The following NUP210L variants were observed in gnomAD, a reference collection of about 807,000 sequenced individuals.
NUP210L encodes the protein nucleoporin 210 like, also known as nuclear pore membrane glycoprotein 210-like.
A neutral mutation model predicts 208.5 loss-of-function variants in NUP210L; 74 were observed. The observed-to-expected ratio is 0.35, with a 90% CI of 0.29 to 0.43. The LOEUF (loss-of-function observed/expected upper bound fraction) is 0.43. NUP210L is among the 20% of genes least tolerant of loss of function. The probability of loss-of-function intolerance (pLI) is 1.00; values close to 1 mark genes in which losing one functional copy is unlikely to be tolerated. For synonymous variants in NUP210L, 780 were observed against 816.9 expected, an observed-to-expected ratio of 0.95 and a Z score of 0.77; for missense variants, 1,843 against 2,289.4, an observed-to-expected ratio of 0.81 and a Z score of 3.98.
chr1:154,140,997 GAAAAAAAA>G (rs57099838), intron 4 of NUP210L, among the ~76,000 whole-genome samples: 2 of 63,078 alleles, frequency 3.2e-5, no homozygotes, highest in Non-Finnish European at 6.6e-5. Flanking sequence ...CCATCTCGAA[GAAAAAAAA>G]AAAAAAAAAA....
At chr1:154,058,102 T>C in exon 22 of NUP210L, 2 of 1,614,128 alleles carry the variant, frequency 1.2e-6, no homozygotes, top group Non-Finnish European at 1.7e-6. Context: ...AGGGTGACAA[T>C]GGCAGAAGCC....
exon 21 of NUP210L, chr1:154,058,657 C>T: frequency 6.2e-7 from 1 of 1,613,730 alleles, no homozygotes; most frequent in South Asian, 1.1e-5. Flanking sequence ...AGATCATAGA[C>T]CTCCAAGGTA....
At chr1:153,998,708 CTTTTTTTTTTTTT>C (rs34457474) in intron 37 of NUP210L, among the ~76,000 whole-genome samples, 2 of 109,822 alleles carry the variant, frequency 1.8e-5, no homozygotes, top group South Asian at 6.5e-4. Context: ...TCTAGAGATC[CTTTTTTTTTTTTT>C]TTTTTTTTTA....
intron 36 of NUP210L, 88 bp from the exon 37 acceptor site, chr1:154,001,148 T>C (rs1650188098): frequency 9.6e-7 from 1 of 1,041,846 alleles, no homozygotes; most frequent in Non-Finnish European, 1.4e-6. Flanking sequence ...TACAGTACAA[T>C]AATTGTCAAG....
In NUP210L at chr1:154,061,240, T is replaced by C. The variant is rs369119716; in HGVS notation, c.2644-194A>G. On this transcript the variant is annotated intron_variant, in intron 18 of 39. Transcript: ENST00000368559. Reference sequence around the variant, plus strand: ...TAAAAATACAAAAATTAGCCAGGCATGGTGGTGGGTGTCTGTAATCCCAGC... The same window carrying C: ...TAAAAATACAAAAATTAGCCAGGCACGGTGGTGGGTGTCTGTAATCCCAGC... Among the ~76,000 whole-genome samples the C allele has an allele frequency of 2.0e-3, 298 of 152,074 alleles. 3 individuals are homozygous for C. The highest frequency in any genetic ancestry group is 0.014 in the South Asian group (69 of 4,814).
chr1:154,118,776 G>T, exon 11 of NUP210L: 1 of 1,589,616 alleles, frequency 6.3e-7, no homozygotes, highest in Non-Finnish European at 8.6e-7. Flanking sequence ...GTTGGTGTTT[G>T]ATTAGAAATT....
At chr1:154,093,861 TAA>T (rs1656048421) in intron 15 of NUP210L, among the ~76,000 whole-genome samples, 1 of 152,008 alleles carries the variant, frequency 6.6e-6, no homozygotes, top group South Asian at 2.1e-4. Context: ...TAAAAATAAT[TAA>T]AACTCAGCTG....
chr1:154,027,671 A>G (rs1183604325), intron 28 of NUP210L, 74 bp from the exon 29 acceptor site: 2 of 908,728 alleles, frequency 2.2e-6, no homozygotes, highest in Non-Finnish European at 3.6e-6. Context: ...AGACTTCAGT[A>G]TAATCCCGAA....
At chr1:154,112,674 A>G (rs1657100643) in intron 12 of NUP210L, among the ~76,000 whole-genome samples, 2 of 151,628 alleles carry the variant, frequency 1.3e-5, no homozygotes, top group African/African-American at 2.4e-5. Context: ...TGGGCAATAT[A>G]GGGAGACCCT....
intron 13 of NUP210L, among the ~76,000 whole-genome samples, chr1:154,103,251 A>C (rs1656563094): frequency 2.0e-5 from 3 of 151,770 alleles, no homozygotes; most frequent in African/African-American, 7.3e-5. Flanking sequence ...AAAATTAGCC[A>C]GGCATGGTGG....
intron 28 of NUP210L, 25 bp downstream of exon 28, chr1:154,029,871 A>G: frequency 6.3e-7 from 1 of 1,581,040 alleles, no homozygotes; most frequent in Non-Finnish European, 8.6e-7. Context: ...ATATACGAAA[A>G]TAAGATTTAG....
At chr1:154,061,147 G>A (rs1654114433) in intron 18 of NUP210L, 101 bp from the exon 19 acceptor site, 1 of 752,128 alleles carries the variant, frequency 1.3e-6, no homozygotes, top group East Asian at 2.6e-5. Flanking sequence ...GGAGGGTAAG[G>A]CAGGCAGATC....
At position 154,008,203 on chromosome 1, in the gene NUP210L, A is replaced by G. The variant is rs191557374; in HGVS notation, c.4930+1769T>C. 2.0e-3 allele frequency among the ~76,000 whole-genome samples: 305 copies of G among 152,286 alleles called. 4 individuals are homozygous for G. The highest frequency in any genetic ancestry group is 7.0e-3 in the African/African-American group (292 of 41,574). Reference sequence around the variant, plus strand: ...ATTTTTTCATCAATAAATTGAAGTCACAAACATATATGTGTCTACCCTGTA... The same window carrying G: ...ATTTTTTCATCAATAAATTGAAGTCGCAAACATATATGTGTCTACCCTGTA... On this transcript the variant is annotated intron_variant, in intron 35 of 39. Coordinates refer to ENST00000368559, the Ensembl canonical transcript of NUP210L.
chr1:154,092,969 C>T (rs1656007347), intron 15 of NUP210L, among the ~76,000 whole-genome samples: 1 of 152,166 alleles, frequency 6.6e-6, no homozygotes, highest in Non-Finnish European at 1.5e-5. Context: ...AAGTGATCCT[C>T]CTGCCTTGAT....
intron 34 of NUP210L, among the ~76,000 whole-genome samples, 158 bp from the exon 35 acceptor site, chr1:154,010,279 G>A (rs1650833265): frequency 6.6e-6 from 1 of 152,204 alleles, no homozygotes; most frequent in Non-Finnish European, 1.5e-5. Context: ...CAAGGTGAAA[G>A]AATAGTGTGA....
At chr1:153,995,800 C>T (rs570661403) in intron 37 of NUP210L, 27 of 644,780 alleles carry the variant, frequency 4.2e-5, no homozygotes, top group African/African-American at 2.0e-4. Flanking sequence ...TCAAGGGATT[C>T]GTGCCGTAAA....
chr1:154,136,283 C>A (rs1658543296), intron 6 of NUP210L, among the ~76,000 whole-genome samples: 1 of 152,022 alleles, frequency 6.6e-6, no homozygotes, highest in Non-Finnish European at 1.5e-5. Context: ...GAAACCCCGT[C>A]TCTACTAAAA....
chr1:154,116,226 G>A (rs1657321191), intron 12 of NUP210L, among the ~76,000 whole-genome samples: 1 of 143,476 alleles, frequency 7.0e-6, no homozygotes, highest in East Asian at 2.0e-4. Context: ...CTGCACTCCA[G>A]CCTTGGCGAC....
chr1:154,147,329 C>G (rs1244818128), intron 2 of NUP210L, among the ~76,000 whole-genome samples: 2 of 151,750 alleles, frequency 1.3e-5, no homozygotes, highest in Non-Finnish European at 2.9e-5. Flanking sequence ...AATTGAGAAA[C>G]TTTCTATATA....
Sources: gnomAD v4.1 joint callset for allele counts (sites outside exome capture counted in the v4.1 genomes callset) on GRCh38, gnomAD v4.1.1 for gene constraint, MANE v1.5 for transcripts, NCBI Gene and HGNC (gene_info 2026-07-23, HGNC 2026-07-21) for gene names.